Variants in NEMP2 observed in about 807,000 individuals in gnomAD.
The protein encoded by NEMP2 is nuclear envelope integral membrane protein 2, also known as UPF0571 transmembrane protein.
Under a neutral mutation model 54.2 loss-of-function variants are expected in NEMP2, and 53 were observed. The observed-to-expected ratio is 0.98, with a 90% CI of 0.78 to 1.23. The LOEUF is 1.23. Among genes scored for constraint, NEMP2 ranks in the 50% most tolerant of loss-of-function variants. The pLI, the probability that NEMP2 is intolerant of heterozygous loss-of-function variation, is 0.00. For missense variants in NEMP2, 455 were observed against 511.3 expected, an observed-to-expected ratio of 0.89 and a Z score of 1.06; for synonymous variants, 197 against 190.3, an observed-to-expected ratio of 1.04 and a Z score of -0.29.
the NEMP2 span, among the ~76,000 whole-genome samples, chr2:190,542,615 C>T: frequency 4.0e-5 from 6 of 151,882 alleles, no homozygotes; most frequent in African/African-American, 1.5e-4. This position sits in a 1 kb window ranked among gnomAD's most constrained non-coding sequence, Gnocchi z 4.6. Context: ...TTTTAAATAG[C>T]CTGTCTTCAG....
the NEMP2 span, among the ~76,000 whole-genome samples, chr2:190,632,445 T>C: frequency 6.6e-6 from 1 of 152,276 alleles, no homozygotes; most frequent in Non-Finnish European, 1.5e-5. This position sits in a 1 kb window ranked among gnomAD's most constrained non-coding sequence, Gnocchi z 4.8. Flanking sequence ...CCTCCAAGAA[T>C]GCCTAAGCCC....
chr2:190,517,648 C>G, intron 4 of NEMP2, 35 bp from the exon 5 acceptor site: 1 of 1,440,358 alleles, frequency 6.9e-7, no homozygotes, highest in Non-Finnish European at 9.5e-7. Flanking sequence ...TATTTAAATG[C>G]CAAAAAGCAC....
chr2:190,435,897 T>G, the NEMP2 span: 1 of 1,216,196 alleles, frequency 8.2e-7, no homozygotes, highest in Non-Finnish European at 1.1e-6. Context: ...TGTAACTGCT[T>G]AATTTCCTGC....
the NEMP2 span, among the ~76,000 whole-genome samples, chr2:190,646,348 CTG>C: frequency 6.6e-6 from 1 of 152,152 alleles, no homozygotes; most frequent in African/African-American, 2.4e-5. Context: ...TGGGAGAAGA[CTG>C]TGTGTGTGCT....
At chr2:190,568,851 A>G in the NEMP2 span, among the ~76,000 whole-genome samples, 1 of 151,998 alleles carries the variant, frequency 6.6e-6, no homozygotes, top group Non-Finnish European at 1.5e-5. The surrounding 1 kb of genome is among the most constrained non-coding windows in gnomAD (Gnocchi z 4.7). Flanking sequence ...ACAACAAAAA[A>G]CTCAATAATT....
the NEMP2 span, among the ~76,000 whole-genome samples, chr2:190,455,265 A>C: frequency 6.9e-6 from 1 of 144,812 alleles, no homozygotes; most frequent in African/African-American, 2.4e-5. Context: ...ATTACTATTA[A>C]GTTATTCATA....
chr2:190,476,280 A>G, the NEMP2 span, among the ~76,000 whole-genome samples: 1 of 152,064 alleles, frequency 6.6e-6, no homozygotes, highest in African/African-American at 2.4e-5. Context: ...AACCTACAGA[A>G]TGGGAGAAAA....
At chr2:190,434,721 C>T in the NEMP2 span, among the ~76,000 whole-genome samples, 16 of 152,282 alleles carry the variant, frequency 1.1e-4, no homozygotes, top group South Asian at 2.1e-4. The surrounding 1 kb of genome is among the most constrained non-coding windows in gnomAD (Gnocchi z 4.3). Context: ...TGTGAGCCAC[C>T]GCGCCCGGCC....
the NEMP2 span, among the ~76,000 whole-genome samples, chr2:190,481,434 T>C: frequency 1.3e-5 from 2 of 152,238 alleles, no homozygotes; most frequent in African/African-American, 4.8e-5. Context: ...CCATAAATGC[T>C]TTCTTCGTCA....
the NEMP2 span, among the ~76,000 whole-genome samples, chr2:190,619,136 C>T: frequency 9.9e-5 from 15 of 152,116 alleles, no homozygotes; most frequent in South Asian, 2.1e-4. This position sits in a 1 kb window ranked among gnomAD's most constrained non-coding sequence, Gnocchi z 5.5. Context: ...TCCCAGTACT[C>T]GGGAGGCCAA....
chr2:190,490,227 G>C, the NEMP2 span, among the ~76,000 whole-genome samples: 1 of 151,534 alleles, frequency 6.6e-6, no homozygotes, highest in South Asian at 2.1e-4. The surrounding 1 kb of genome is among the most constrained non-coding windows in gnomAD (Gnocchi z 4.5). Flanking sequence ...GATAGGGAGT[G>C]AGTGGTAATC....
At chr2:190,449,883 A>C in the NEMP2 span, among the ~76,000 whole-genome samples, 1 of 152,120 alleles carries the variant, frequency 6.6e-6, no homozygotes, top group Admixed American at 6.6e-5. Flanking sequence ...GGAAGGGGGG[A>C]GGAATAGCTT....
the NEMP2 span, among the ~76,000 whole-genome samples, chr2:190,601,776 C>T: frequency 6.6e-6 from 1 of 152,288 alleles, no homozygotes; most frequent in East Asian, 1.9e-4. The surrounding 1 kb of genome is among the most constrained non-coding windows in gnomAD (Gnocchi z 5.8). Flanking sequence ...TATAACTCAG[C>T]TCAACCAATG....
At chr2:190,543,473 A>T in the NEMP2 span, among the ~76,000 whole-genome samples, 1 of 152,212 alleles carries the variant, frequency 6.6e-6, no homozygotes, top group Non-Finnish European at 1.5e-5. This position sits in a 1 kb window ranked among gnomAD's most constrained non-coding sequence, Gnocchi z 4.7. Context: ...GTTCCCTGGC[A>T]GGAGTCCTGT....
At chr2:190,450,891 A>G in the NEMP2 span, among the ~76,000 whole-genome samples, 1 of 152,222 alleles carries the variant, frequency 6.6e-6, no homozygotes, top group Non-Finnish European at 1.5e-5. Context: ...GTCCAGGTGT[A>G]CTATACCTTT....
the NEMP2 span, among the ~76,000 whole-genome samples, chr2:190,465,820 C>T: frequency 2.6e-5 from 4 of 152,040 alleles, no homozygotes; most frequent in African/African-American, 9.7e-5. The surrounding 1 kb of genome is among the most constrained non-coding windows in gnomAD (Gnocchi z 4.6). Context: ...TAGTGAAACC[C>T]CATCTCTACT....
At chr2:190,619,419 G>C in the NEMP2 span, among the ~76,000 whole-genome samples, 1 of 151,870 alleles carries the variant, frequency 6.6e-6, no homozygotes. The surrounding 1 kb of genome is among the most constrained non-coding windows in gnomAD (Gnocchi z 5.5). Context: ...AGCATCCCTT[G>C]AGTCCAGGAG....
the NEMP2 span, chr2:190,442,543 C>G: frequency 6.6e-6 from 1 of 151,922 alleles, no homozygotes; most frequent in African/African-American, 2.4e-5. Context: ...TAAAATAGTC[C>G]AAGTAAGAGA....
chr2:190,630,795 C>T, the NEMP2 span, among the ~76,000 whole-genome samples: 2 of 151,840 alleles, frequency 1.3e-5, no homozygotes, highest in Non-Finnish European at 2.9e-5. This position sits in a 1 kb window ranked among gnomAD's most constrained non-coding sequence, Gnocchi z 5.5. Flanking sequence ...TCCGTTTTTT[C>T]ATGAACCTTT....
Sources: gnomAD v4.1 joint callset for allele counts (sites outside exome capture counted in the v4.1 genomes callset) on GRCh38, gnomAD v4.1.1 for gene constraint, Gnocchi (gnomAD v3.1) non-coding constraint, MANE v1.5 for transcripts, NCBI Gene and HGNC (gene_info 2026-07-23, HGNC 2026-07-21) for gene names.